Variants in PTPRN2 observed in about 807,000 individuals in gnomAD.
PTPRN2 encodes receptor-type tyrosine-protein phosphatase N2.
Under a neutral mutation model 118.8 loss-of-function variants are expected in PTPRN2, and 74 were observed. The ratio of observed to expected loss-of-function variants is 0.62; its 90% confidence interval spans 0.52 to 0.76. The LOEUF is 0.76. PTPRN2 is among the 30% of genes least tolerant of loss of function. The pLI, the probability that PTPRN2 is intolerant of heterozygous loss-of-function variation, is 0.00. For synonymous variants in PTPRN2, 641 were observed against 608.0 expected (o/e 1.05, Z -0.80); for missense variants, 1,481 against 1,394.4 (o/e 1.06, Z -0.99).
intron 3 of PTPRN2, among the ~76,000 whole-genome samples, chr7:158,296,347 A>C (rs892924298): frequency 6.6e-6 from 1 of 152,164 alleles, no homozygotes; most frequent in Non-Finnish European, 1.5e-5. Flanking sequence ...GCCCGACTCC[A>C]GGGGAAAACT....
At chr7:157,926,250 A>G (rs1447728438) in intron 11 of PTPRN2, among the ~76,000 whole-genome samples, 2 of 152,108 alleles carry the variant, frequency 1.3e-5, no homozygotes, top group Non-Finnish European at 2.9e-5. Context: ...GAGCCACAGT[A>G]TGCTGAGGGT....
intron 11 of PTPRN2, among the ~76,000 whole-genome samples, chr7:158,058,809 C>T (rs529505071): frequency 1.7e-4 from 15 of 90,230 alleles, no homozygotes; most frequent in African/African-American, 3.8e-4. Context: ...CACACAGTGA[C>T]GCATCACTGC....
At chr7:157,672,581 G>C (rs1178188256) in intron 13 of PTPRN2, among the ~76,000 whole-genome samples, 1 of 152,170 alleles carries the variant, frequency 6.6e-6, no homozygotes, top group Non-Finnish European at 1.5e-5. Flanking sequence ...TTGCGTTATT[G>C]TCCACTCTCC....
intron 3 of PTPRN2, among the ~76,000 whole-genome samples, chr7:158,258,318 C>T (rs950693776): frequency 2.0e-5 from 3 of 152,248 alleles, no homozygotes; most frequent in Admixed American, 1.3e-4. Context: ...CCCTGCCCTG[C>T]GCGACTGGCG....
intron 11 of PTPRN2, among the ~76,000 whole-genome samples, chr7:158,068,454 G>A (rs1438377776): frequency 6.6e-6 from 1 of 152,108 alleles, no homozygotes; most frequent in Non-Finnish European, 1.5e-5. Flanking sequence ...CACCACCTTT[G>A]CACTCGGCAC....
intron 2 of PTPRN2, among the ~76,000 whole-genome samples, chr7:158,371,817 G>T (rs7809114): frequency 0.66 from 100,235 of 152,182 alleles, 33,531 homozygotes; most frequent in East Asian, 0.83. Context: ...CCACATTAAA[G>T]ATCATATTTA....
rs768190590 is a variant in PTPRN2 at position 158,526,671 on chromosome 7, C to T, written c.113-36886G>A. 1.3e-5 allele frequency among the ~76,000 whole-genome samples: 2 copies of T among 152,044 alleles called. No homozygotes were observed. The highest frequency in any genetic ancestry group is 1.9e-4 in the East Asian group (1 of 5,168). Reference sequence around the variant, plus strand: ...AGAGGTGATTTCAGTAAAACGAGGTCGCCGGATGGGCCCGGATCCAGGCTG... The same window carrying T: ...AGAGGTGATTTCAGTAAAACGAGGTTGCCGGATGGGCCCGGATCCAGGCTG... On this transcript the variant is annotated intron_variant, in intron 1 of 22. Coordinates refer to ENST00000389418, the MANE Select transcript of PTPRN2 (RefSeq NM_002847.5). This position sits in a 1 kb window ranked among gnomAD's most constrained non-coding sequence, Gnocchi z 5.2.
intron 12 of PTPRN2, among the ~76,000 whole-genome samples, chr7:157,827,271 G>A (rs1449171876): frequency 6.6e-6 from 1 of 152,242 alleles, no homozygotes; most frequent in Middle Eastern, 3.4e-3. Flanking sequence ...CTGCATTTGG[G>A]TTTTCATCTT....
rs564113033 is a variant in PTPRN2 at position 158,580,933 on chromosome 7, C to T, written c.112+6625G>A. Among the ~76,000 whole-genome samples the T allele has an allele frequency of 5.9e-5, 9 of 152,274 alleles. No homozygotes were observed. The South Asian group carries it at 1.9e-3, about 32-fold the overall frequency. On this transcript the variant is annotated intron_variant, in intron 1 of 22. Transcript: ENST00000389418. The stretch of plus-strand genomic sequence containing the variant: ...CATCAAAATTCCCTCAGAAGGCACA[C>T]CAAATATTTGAATCTGACACCCAAA...
chr7:157,972,747 C>G, intron 11 of PTPRN2, among the ~76,000 whole-genome samples: 1 of 151,288 alleles, frequency 6.6e-6, no homozygotes, highest in Non-Finnish European at 1.5e-5. Context: ...CACGGGCACT[C>G]CACACCACGA....
chr7:158,015,503 G>A lies in PTPRN2; in HGVS notation c.1723+65795C>T, dbSNP rs1041030284. 6.6e-6 allele frequency among the ~76,000 whole-genome samples: 1 copy of A among 151,714 alleles called. No homozygotes were observed. Among genetic ancestry groups the A allele is most frequent in the African/African-American group, 2.4e-5 (1 of 41,242 alleles). On this transcript the variant is annotated intron_variant, in intron 11 of 22. Transcript: ENST00000389418. This position sits in a 1 kb window ranked among gnomAD's most constrained non-coding sequence, Gnocchi z 4.2. ...AGGGAGAGAGGGAGAGAGGGAGATA[G>A]AGGGAGGGGTGGGAGGAAGACAGAA...
intron 11 of PTPRN2, among the ~76,000 whole-genome samples, chr7:157,996,928 G>A (rs1172486783): frequency 1.3e-5 from 2 of 152,174 alleles, no homozygotes; most frequent in Non-Finnish European, 2.9e-5. Context: ...GGGCGGGTGT[G>A]GGGAGGCACG....
intron 1 of PTPRN2, among the ~76,000 whole-genome samples, chr7:158,539,027 G>A (rs867841622): frequency 1.2e-4 from 19 of 152,136 alleles, no homozygotes; most frequent in African/African-American, 3.1e-4. Flanking sequence ...ACCCCTCAGC[G>A]CTCTGGAGGG....
chr7:157,811,681 G>A (rs1457005470), intron 12 of PTPRN2, among the ~76,000 whole-genome samples: 1 of 152,106 alleles, frequency 6.6e-6, no homozygotes, highest in East Asian at 1.9e-4. Context: ...CTCGGCTTAT[G>A]GGAGACTGAT....
At chr7:158,442,056 T>TGGTGATGGC (rs1393799873) in intron 2 of PTPRN2, among the ~76,000 whole-genome samples, 2 of 150,814 alleles carry the variant, frequency 1.3e-5, no homozygotes, top group African/African-American at 4.9e-5. Flanking sequence ...GTGGTGGTGA[T>TGGTGATGGC]GGTGATGGCA....
At chr7:157,651,380 C>T (rs1805645538) in intron 14 of PTPRN2, among the ~76,000 whole-genome samples, 1 of 152,226 alleles carries the variant, frequency 6.6e-6, no homozygotes, top group Admixed American at 6.5e-5. Flanking sequence ...ATCTTCAACA[C>T]TCAAGAGGAT....
intron 21 of PTPRN2, among the ~76,000 whole-genome samples, chr7:157,567,260 A>T (rs1799533380): frequency 6.6e-6 from 1 of 152,248 alleles, no homozygotes. Context: ...CAAAAAAAGG[A>T]TTAAAAATAT....
rs200737656 is a variant in PTPRN2, at chr7:157,575,666, C to G, written c.2783+947G>C. ...ATCGCTTCTTTATGACAATCTTTGT[C>G]TCGTTAACCTCCCTCCAGTTACATA... On this transcript the variant is annotated intron_variant, in intron 19 of 22. Transcript: ENST00000389418. Among the ~76,000 whole-genome samples, 17 of 152,318 alleles carry G rather than the reference C, an allele frequency of 1.1e-4. No individual in the cohort carries two copies. In the East Asian group the frequency reaches 3.3e-3, roughly 29 times the overall value.
intron 13 of PTPRN2, among the ~76,000 whole-genome samples, chr7:157,667,495 G>A (rs1488123837): frequency 6.6e-6 from 1 of 152,208 alleles, no homozygotes; most frequent in Admixed American, 6.5e-5. Context: ...ACGGGAGCTG[G>A]GGGCCTCTGG....
Sources: gnomAD v4.1 joint callset for allele counts (sites outside exome capture counted in the v4.1 genomes callset) on GRCh38, gnomAD v4.1.1 for gene constraint, Gnocchi (gnomAD v3.1) non-coding constraint, MANE v1.5 for transcripts, NCBI Gene and HGNC (gene_info 2026-07-23, HGNC 2026-07-21) for gene names.